ELMO1: variants seen among roughly 807,000 people sequenced by gnomAD.
The protein encoded by ELMO1 is engulfment and cell motility 1.
Under a neutral mutation model 98.9 loss-of-function variants are expected in ELMO1, and 26 were observed. The ratio of observed to expected loss-of-function variants is 0.26; its 90% CI spans 0.19 to 0.36. The LOEUF is 0.36. ELMO1 is among the 10% of genes least tolerant of loss of function. ELMO1 has a pLI of 1.00. For missense variants in ELMO1, 627 were observed against 935.2 expected (o/e 0.67, Z 4.30); for synonymous variants, 346 against 346.0 (o/e 1.00, Z 0.00).
chr7:37,355,252 C>T (rs1461116400), intron 1 of ELMO1, among the ~76,000 whole-genome samples: 2 of 152,160 alleles, frequency 1.3e-5, no homozygotes, highest in Non-Finnish European at 1.5e-5. Context: ...ATCTGTGAAA[C>T]TGGAATGACA....
chr7:36,859,308 G>A lies in ELMO1; in HGVS notation c.1983+2351C>T, dbSNP rs558597976. ...TATTAATTTATTTAAGTGTGATCAG[G>A]GTATTGCAGTTATGGTTTTAAATTG... On this transcript the variant is annotated intron_variant, in intron 21 of 21. Transcript: ENST00000310758. 1.6e-4 allele frequency among the ~76,000 whole-genome samples: 24 copies of A among 152,208 alleles called. No individual in the cohort carries two copies. In the South Asian group the frequency reaches 5.0e-3, roughly 32 times the overall value.
chr7:37,322,342 G>A (rs1799563718), intron 2 of ELMO1, among the ~76,000 whole-genome samples: 1 of 152,122 alleles, frequency 6.6e-6, no homozygotes, highest in African/African-American at 2.4e-5. Context: ...AAGGCTGGAT[G>A]TGGTGGCTCA....
chr7:37,088,247 T>G (rs545136780), intron 15 of ELMO1, among the ~76,000 whole-genome samples: 1 of 152,332 alleles, frequency 6.6e-6, no homozygotes, highest in Non-Finnish European at 1.5e-5. Flanking sequence ...TAGTCTCCTT[T>G]TAAACTGCCA....
At position 37,222,717 on chromosome 7, in the gene ELMO1, G is replaced by C. The variant is rs557307471; in HGVS notation, c.702-24C>G. ...ACCTGTAAAGATAGAGAACAATTCAGAAAATCAGAACACGAAGTCAGAAGA... is the reference window on the plus strand; with the variant it reads ...ACCTGTAAAGATAGAGAACAATTCACAAAATCAGAACACGAAGTCAGAAGA... On this transcript the variant is annotated intron_variant, in intron 9 of 21. Transcript: ENST00000310758. 1.4e-5 allele frequency: 22 copies of C among 1,607,486 alleles called. No homozygotes were observed. In the South Asian group the frequency reaches 2.4e-4, roughly 18 times the overall value.
chr7:37,411,804 A>T (rs1295610842), intron 1 of ELMO1, among the ~76,000 whole-genome samples: 1 of 152,128 alleles, frequency 6.6e-6, no homozygotes, highest in African/African-American at 2.4e-5. Flanking sequence ...ACTTCTCAGA[A>T]CTCTGCCTCC....
chr7:37,298,287 G>GT lies in ELMO1; in HGVS notation c.192+16562dup, dbSNP rs937078176. 4.9e-4 allele frequency among the ~76,000 whole-genome samples: 50 copies of GT among 101,420 alleles called. 1 individual carries two copies. Among genetic ancestry groups the GT allele is most frequent in the Middle Eastern group, 6.7e-3 (1 of 150 alleles). The allele number at this position is 101,420 out of a possible 152,430, so 66.5% of individuals were successfully genotyped here. A position where few individuals can be genotyped will look rare whatever the true frequency, so the allele number is the denominator to read the frequency against. On this transcript the variant is annotated intron_variant, in intron 4 of 21. Coordinates refer to ENST00000310758, the MANE Select transcript of ELMO1 (RefSeq NM_014800.11). ...TGGACAAGACTAGGAAGTTTTTTTTGTTTTTTTTTTTTAAGAGTTTTTTTT... is the reference window on the plus strand; with the variant it reads ...TGGACAAGACTAGGAAGTTTTTTTTGTTTTTTTTTTTTTAAGAGTTTTTTTT...
At chr7:37,053,553 T>C (rs1796234811) in intron 15 of ELMO1, among the ~76,000 whole-genome samples, 1 of 152,210 alleles carries the variant, frequency 6.6e-6, no homozygotes. Context: ...CATTACCTTC[T>C]TCTGGATGTG....
chr7:37,374,007 T>C (rs1407962405), intron 1 of ELMO1, among the ~76,000 whole-genome samples: 1 of 152,262 alleles, frequency 6.6e-6, no homozygotes, highest in Non-Finnish European at 1.5e-5. Context: ...TTTATTGTTG[T>C]TTCTCATTTT....
intron 1 of ELMO1, among the ~76,000 whole-genome samples, chr7:37,358,345 C>A (rs1453740549): frequency 6.6e-6 from 1 of 152,154 alleles, no homozygotes; most frequent in Non-Finnish European, 1.5e-5. Flanking sequence ...TCCACTTTGA[C>A]AAGGACTCTA....
At chr7:37,191,605 GT>G (rs1325355883) in intron 13 of ELMO1, among the ~76,000 whole-genome samples, 1 of 152,024 alleles carries the variant, frequency 6.6e-6, no homozygotes, top group Non-Finnish European at 1.5e-5. Flanking sequence ...ATAAATTTTG[GT>G]TCAACCACTT....
At chr7:37,014,927 GC>G (rs1159284849) in intron 15 of ELMO1, among the ~76,000 whole-genome samples, 2 of 151,942 alleles carry the variant, frequency 1.3e-5, no homozygotes. Flanking sequence ...TATAGAGCAG[GC>G]CCCCAGTGAA....
chr7:37,197,193 T>C (rs573939979), intron 13 of ELMO1: 1 of 152,380 alleles, frequency 6.6e-6, no homozygotes, highest in East Asian at 1.9e-4. Context: ...TGGAAGATTC[T>C]TCCTGCTCCT....
intron 15 of ELMO1, among the ~76,000 whole-genome samples, chr7:37,077,637 A>C (rs368676314): frequency 9.8e-5 from 15 of 152,314 alleles, no homozygotes; most frequent in East Asian, 9.6e-4. Context: ...GATTTAAGAA[A>C]TATGGGTACT....
intron 14 of ELMO1, among the ~76,000 whole-genome samples, chr7:37,115,678 C>T (rs945422984): frequency 3.3e-5 from 5 of 151,462 alleles, no homozygotes; most frequent in African/African-American, 1.2e-4. Flanking sequence ...GCCCTAGGAT[C>T]AGGATCAAGG....
chr7:37,177,017 C>G (rs1790533839), intron 13 of ELMO1, among the ~76,000 whole-genome samples: 1 of 152,070 alleles, frequency 6.6e-6, no homozygotes, highest in South Asian at 2.1e-4. Context: ...AGTGACCCAG[C>G]AGAAATGGAC....
chr7:37,035,820 C>T (rs1169423769), intron 15 of ELMO1, among the ~76,000 whole-genome samples: 1 of 152,168 alleles, frequency 6.6e-6, no homozygotes, highest in Non-Finnish European at 1.5e-5. Flanking sequence ...GAGATGATTA[C>T]CATCACATGG....
chr7:36,873,710 T>A (rs537931517), intron 19 of ELMO1, among the ~76,000 whole-genome samples: 1 of 152,370 alleles, frequency 6.6e-6, no homozygotes, highest in Admixed American at 6.5e-5. Flanking sequence ...CAAATCATGC[T>A]GAGCACAGCC....
chr7:37,042,634 C>A (rs996298414), intron 15 of ELMO1, among the ~76,000 whole-genome samples: 1 of 152,134 alleles, frequency 6.6e-6, no homozygotes, highest in African/African-American at 2.4e-5. Flanking sequence ...AGTGACCAGA[C>A]GTTCACTTCC....
chr7:37,362,199 C>A (rs1271203431), intron 1 of ELMO1, among the ~76,000 whole-genome samples: 1 of 150,536 alleles, frequency 6.6e-6, no homozygotes, highest in Non-Finnish European at 1.5e-5. Context: ...TTTATTGTAC[C>A]TCAATAGAAA....
Sources: allele counts gnomAD v4.1 joint callset (sites outside exome capture counted in the v4.1 genomes callset), GRCh38; gene constraint gnomAD v4.1.1; transcripts MANE v1.5; gene names NCBI Gene and HGNC (gene_info 2026-07-23, HGNC 2026-07-21).